Variants in TSPAN7 observed in about 807,000 individuals in gnomAD.
TSPAN7 encodes tetraspanin 7, also known as tetraspanin-7.
Under a neutral mutation model 17.6 loss-of-function variants are expected in TSPAN7, and 1 was observed. The ratio of observed to expected loss-of-function variants is 0.06; its 90% confidence interval spans 0.02 to 0.27. The LOEUF (loss-of-function observed/expected upper bound fraction) is 0.27, where lower values mean the gene tolerates loss of function less well. Ranked by LOEUF, TSPAN7 falls within the 10% of genes least tolerant of loss-of-function variation. The probability of loss-of-function intolerance (pLI) is 1.00; values close to 1 mark genes in which losing one functional copy is unlikely to be tolerated. For synonymous variants in TSPAN7, 78 were observed against 79.0 expected, an observed-to-expected ratio of 0.99 and a Z score of 0.07; for missense variants, 112 against 201.7, an observed-to-expected ratio of 0.56 and a Z score of 2.69.
At chrX:38,650,585 A>G (rs1384859960) in intron 1 of TSPAN7, among the ~76,000 whole-genome samples, 1 of 112,247 alleles carries the variant, frequency 8.9e-6, no homozygotes, top group Non-Finnish European at 1.9e-5. Context: ...TGGCCCTTCA[A>G]TGCAGCTTTA....
At chrX:38,681,672 T>C (rs1395886334) in intron 6 of TSPAN7, among the ~76,000 whole-genome samples, 2 of 111,846 alleles carry the variant, frequency 1.8e-5, no homozygotes, top group Non-Finnish European at 3.8e-5. Flanking sequence ...TGCTCTCTCT[T>C]AGTTCCTATG....
At chrX:38,587,787 C>T (rs1461943746) in intron 1 of TSPAN7, among the ~76,000 whole-genome samples, 1 of 111,842 alleles carries the variant, frequency 8.9e-6, no homozygotes. Flanking sequence ...AGTTTTATGT[C>T]CACAAATTCC....
chrX:38,572,820 T>C (rs1416650983), intron 1 of TSPAN7, among the ~76,000 whole-genome samples: 1 of 112,033 alleles, frequency 8.9e-6, no homozygotes, highest in Non-Finnish European at 1.9e-5. Flanking sequence ...CTGGTGAAGC[T>C]TTTGCGGACT....
chrX:38,646,727 G>A lies in TSPAN7; in HGVS notation c.82-19394G>A, dbSNP rs191478127. 1.6e-3 allele frequency among the ~76,000 whole-genome samples: 183 copies of A among 112,381 alleles called. 1 individual carries two copies. Among genetic ancestry groups the A allele is most frequent in the African/African-American group, 5.6e-3 (172 of 30,984 alleles). On this transcript the variant is annotated intron_variant, in intron 1 of 7. Coordinates refer to ENST00000378482, the MANE Select transcript of TSPAN7 (RefSeq NM_004615.4). ...CCCAAATTTCAAAAATTGCATTAAGGTGATAGAATTTGGGGATAATATTTA... is the reference window on the plus strand; with the variant it reads ...CCCAAATTTCAAAAATTGCATTAAGATGATAGAATTTGGGGATAATATTTA...
chrX:38,646,649 T>C (rs2069647523), intron 1 of TSPAN7, among the ~76,000 whole-genome samples: 2 of 112,497 alleles, frequency 1.8e-5, no homozygotes, highest in South Asian at 7.3e-4. Context: ...AAGTGAATGA[T>C]GATGTGTAAT....
At chrX:38,585,157 A>G (rs984341250) in intron 1 of TSPAN7, among the ~76,000 whole-genome samples, 1 of 111,632 alleles carries the variant, frequency 9.0e-6, no homozygotes, top group Non-Finnish European at 1.9e-5. Context: ...TGCTACGAGC[A>G]CTCTTTTCTT....
intron 1 of TSPAN7, among the ~76,000 whole-genome samples, chrX:38,659,663 A>ATTT (rs2069729093): frequency 3.2e-5 from 2 of 63,157 alleles, no homozygotes; most frequent in South Asian, 9.8e-4. Flanking sequence ...TTTTAATTCT[A>ATTT]ATTTTTTTTT....
At chrX:38,653,988 G>A (rs765909033) in intron 1 of TSPAN7, among the ~76,000 whole-genome samples, 2 of 111,738 alleles carry the variant, frequency 1.8e-5, no homozygotes, top group East Asian at 5.6e-4. Context: ...AAATTCTCAG[G>A]GTTGATTCAA....
intron 1 of TSPAN7, among the ~76,000 whole-genome samples, chrX:38,586,676 T>C (rs761665924): frequency 2.7e-5 from 3 of 112,369 alleles, no homozygotes; most frequent in Non-Finnish European, 5.6e-5. Context: ...CTTTAATTCT[T>C]CTGTGTTCTA....
chrX:38,605,176 A>C (rs1217533564), intron 1 of TSPAN7, among the ~76,000 whole-genome samples: 1 of 110,181 alleles, frequency 9.1e-6, no homozygotes, highest in East Asian at 2.9e-4. Flanking sequence ...GTCTCAGCCC[A>C]AAATCTCCTT....
intron 1 of TSPAN7, among the ~76,000 whole-genome samples, chrX:38,632,579 T>A (rs1602106520): frequency 8.9e-6 from 1 of 112,657 alleles, no homozygotes; most frequent in East Asian, 2.8e-4. Context: ...CCTTATGACA[T>A]CGAATTAATC....
intron 1 of TSPAN7, among the ~76,000 whole-genome samples, chrX:38,649,711 G>C: frequency 8.9e-6 from 1 of 112,194 alleles, no homozygotes; most frequent in East Asian, 2.8e-4. Flanking sequence ...TTCTGATGCT[G>C]TACAGGATGC....
rs184979181 is a variant in TSPAN7, at chrX:38,592,082, C to T, written c.81+30455C>T. The stretch of plus-strand genomic sequence containing the variant: ...AGAGAGTGAAGGGGGAAGTGCTACA[C>T]ACTTTTAAACAACCAGATCTCATGA... On this transcript the variant is annotated intron_variant, in intron 1 of 7. Transcript: ENST00000378482. Among the ~76,000 whole-genome samples the T allele has an allele frequency of 5.9e-3, 660 of 110,952 alleles. 3 individuals are homozygous for T. The highest frequency in any genetic ancestry group is 9.4e-3 in the Non-Finnish European group (496 of 52,888).
At chrX:38,676,888 T>C (rs1010189443) in intron 5 of TSPAN7, among the ~76,000 whole-genome samples, 2 of 112,327 alleles carry the variant, frequency 1.8e-5, no homozygotes, top group Non-Finnish European at 3.8e-5. Flanking sequence ...TCTGGCTTCC[T>C]CATGGACATC....
intron 1 of TSPAN7, among the ~76,000 whole-genome samples, chrX:38,660,886 A>G (rs1267372536): frequency 8.9e-6 from 1 of 112,010 alleles, no homozygotes; most frequent in Non-Finnish European, 1.9e-5. Context: ...TCATTAGAAT[A>G]ATGTGCATAT....
At chrX:38,659,939 G>A (rs776614353) in intron 1 of TSPAN7, among the ~76,000 whole-genome samples, 12 of 101,262 alleles carry the variant, frequency 1.2e-4, no homozygotes, top group African/African-American at 4.0e-4. Flanking sequence ...TGATTCTCCC[G>A]CCTCAGCCTC....
At chrX:38,664,729 G>A (rs1447711350) in intron 1 of TSPAN7, among the ~76,000 whole-genome samples, 2 of 112,094 alleles carry the variant, frequency 1.8e-5, no homozygotes, top group African/African-American at 6.5e-5. Context: ...CTTTAATTCT[G>A]TCTTTCATGG....
chrX:38,675,351 GT>G lies in TSPAN7; in HGVS notation c.442-348del, dbSNP rs1340499971. Among the ~76,000 whole-genome samples, 4 of 112,325 alleles carry G rather than the reference GT, an allele frequency of 3.6e-5. No homozygotes were observed. The Admixed American group carries it at 3.8e-4, about 11-fold the overall frequency. On this transcript the variant is annotated intron_variant, in intron 4 of 7. Coordinates refer to ENST00000378482, the MANE Select transcript of TSPAN7 (RefSeq NM_004615.4). ...TTATTAGTAGATATCCCAGGGGAGA[GT>G]TTTTTGAAACCATATTTGCCTCAAC...
intron 2 of TSPAN7, among the ~76,000 whole-genome samples, chrX:38,667,737 G>T (rs1391859407): frequency 2.7e-5 from 3 of 112,320 alleles, no homozygotes; most frequent in Non-Finnish European, 5.6e-5. Flanking sequence ...GGCTTCTGCT[G>T]CTGTCACCTG....
Sources: gnomAD v4.1 joint callset for allele counts (sites outside exome capture counted in the v4.1 genomes callset) on GRCh38, gnomAD v4.1.1 for gene constraint, MANE v1.5 for transcripts, NCBI Gene and HGNC (gene_info 2026-07-23, HGNC 2026-07-21) for gene names.